Variants in PBXIP1 observed in about 807,000 individuals in gnomAD.
The protein encoded by PBXIP1 is PBX homeobox interacting protein 1, also known as pre-B-cell leukemia transcription factor-interacting protein 1.
In PBXIP1, 73 loss-of-function variants were observed where a neutral mutation model predicts 73.7. That is an observed-to-expected ratio of 0.99 (90% CI 0.82 to 1.20). PBXIP1 has a LOEUF of 1.20. PBXIP1 is among the 50% of genes most tolerant of loss of function. The pLI is 0.00. For missense variants in PBXIP1, 818 were observed against 911.4 expected (o/e 0.90, Z 1.32); for synonymous variants, 330 against 366.9 (o/e 0.90, Z 1.15).
At position 154,946,348 on chromosome 1, in the gene PBXIP1, G is replaced by C. The variant is rs1457671049; in HGVS notation, c.1326C>G (p.Gly442=). The part of the protein sequence containing the change: ...LGHRLAQKLQ[G]LENWGQDPGV... ...CAGGGTCCTGGCCCCAGTTCTCCAG[G>C]CCCTGCAGTTTCTGGGCCAATCTGT... is the stretch of plus-strand genomic sequence containing the variant. Residue 442 remains glycine (G), a synonymous_variant, in exon 10 of 11, where the codon GGC becomes GGG. Transcript: ENST00000368463. 7.4e-6 allele frequency: 12 copies of C among 1,613,694 alleles called. No individual in the cohort carries two copies. Among genetic ancestry groups the C allele is most frequent in the Non-Finnish European group, 1.0e-5 (12 of 1,179,962 alleles).
At chr1:154,947,820 G>C in intron 7 of PBXIP1, 108 bp from the exon 8 acceptor site, 1 of 1,402,984 alleles carries the variant, frequency 7.1e-7, no homozygotes, top group South Asian at 1.2e-5. Flanking sequence ...CCACCCTGTG[G>C]CTGAGCGGTT....
At chr1:154,945,385 A>G (rs1005549604) in intron 10 of PBXIP1, among the ~76,000 whole-genome samples, 187 bp downstream of exon 10, 1 of 152,134 alleles carries the variant, frequency 6.6e-6, no homozygotes, top group African/African-American at 2.4e-5. Context: ...ACTGCTCAGG[A>G]CCACTCTGGG....
chr1:154,946,171 C>A lies in PBXIP1; in HGVS notation c.1503G>T (p.Arg501Ser). ...CCTCCTGACCTCCCCAGTTCTTCTT[C>A]CTTTCCCGGCCAGATTCTTCCTTCT... Reference protein sequence around the residue: ...KHKKEESGRERKKNWGGQEDR... With the variant: ...KHKKEESGRESKKNWGGQEDR... Residue 501 changes from arginine to serine, a missense_variant, in exon 10 of 11, where the codon AGG becomes AGT. Arg to Ser is a moderately radical substitution (Grantham distance 110). Transcript: ENST00000368463. The A allele has an allele frequency of 2.5e-6, 4 of 1,614,166 alleles. No homozygotes were observed. The highest frequency in any genetic ancestry group is 3.4e-6 in the Non-Finnish European group (4 of 1,180,034).
At chr1:154,947,217 G>A in intron 9 of PBXIP1, 200 bp downstream of exon 9, 1 of 637,614 alleles carries the variant, frequency 1.6e-6, no homozygotes, top group Non-Finnish European at 2.9e-6. Flanking sequence ...GTACCATGTG[G>A]AACAGGTATG....
chr1:154,945,274 C>T (rs113214586), intron 10 of PBXIP1, among the ~76,000 whole-genome samples, 157 bp from the exon 11 acceptor site: 2 of 152,132 alleles, frequency 1.3e-5, no homozygotes, highest in Admixed American at 1.3e-4. Flanking sequence ...AGGCTCCAGT[C>T]GGGGAGACAG....
intron 7 of PBXIP1, 39 bp downstream of exon 7, chr1:154,947,943 T>G (rs1475601171): frequency 7.5e-6 from 12 of 1,606,826 alleles, no homozygotes; most frequent in Non-Finnish European, 1.0e-5. Context: ...AGAGAACACA[T>G]ACAACTCCCC....
Position 154,951,510 on chromosome 1 carries a change from A to T in PBXIP1, c.204T>A (p.Pro68=). Residue 68 remains proline, a synonymous_variant, in exon 4 of 11, where the codon CCT becomes CCA. Coordinates refer to ENST00000368463, the MANE Select transcript of PBXIP1 (RefSeq NM_020524.4). This position sits in a 1 kb window ranked among gnomAD's most constrained non-coding sequence, Gnocchi z 4.3. ...GEGTLFQTES[P]QSGSILTEET... ...CCTCTGTTAGAATGCTGCCAGACTG[A>T]GGGCTTTCAGTCTGGAAGAGCGTCC... 1 of 1,614,026 alleles carries T rather than the reference A, an allele frequency of 6.2e-7. No individual in the cohort carries two copies.
chr1:154,945,874 C>T lies in PBXIP1; in HGVS notation c.1800G>A (p.Leu600=), dbSNP rs1271210545. The T allele has an allele frequency of 6.2e-7, 1 of 1,614,186 alleles. No homozygotes were observed. ...GGGCTAGCTCTGTGCCAAAGAAAGT[C>T]AGGCCCTCCTGCCGGGCACACTCGT... ...GVDECARQEG[L]TFFGTELAPV... The change falls in exon 10 of 11, where the codon CTG becomes CTA. Residue 600 remains leucine, a synonymous_variant. Coordinates refer to ENST00000368463, the MANE Select transcript of PBXIP1 (RefSeq NM_020524.4).
chr1:154,945,685 C>T lies in PBXIP1; in HGVS notation c.1989G>A (p.Leu663=), dbSNP rs1273768836. The change falls in exon 10 of 11, where the codon CTG becomes CTA. Residue 663 remains leucine, a synonymous_variant. Transcript: ENST00000368463. ...RLRFRDFVDA[L]EDSLEEVAVQ... ...CAGCCACCTCCTCCAAGCTGTCCTC[C>T]AGGGCATCCACAAAATCCCGGAAGC... 2 of 1,614,222 alleles carry T rather than the reference C, an allele frequency of 1.2e-6. No individual in the cohort carries two copies. Among genetic ancestry groups the T allele is most frequent in the South Asian group, 2.2e-5 (2 of 91,084 alleles).
intron 10 of PBXIP1, 112 bp from the exon 11 acceptor site, chr1:154,945,229 A>G: frequency 1.4e-6 from 1 of 731,370 alleles, no homozygotes; most frequent in Non-Finnish European, 2.3e-6. Flanking sequence ...GGCACCACCA[A>G]GCATATGTGG....
rs1341000430 is a variant in PBXIP1, at chr1:154,945,696, C to A, written c.1978G>T (p.Val660Leu). Residue 660 changes from valine to leucine, a missense_variant, in exon 10 of 11, where the codon GTG (valine) becomes TTG (leucine). Transcript: ENST00000368463. ...RHDRLRFRDF[V>L]DALEDSLEEV... ...TCCAAGCTGTCCTCCAGGGCATCCA[C>A]AAAATCCCGGAAGCGGAGGCGGTCA... The A allele has an allele frequency of 6.2e-7, 1 of 1,614,222 alleles. No individual in the cohort carries two copies. The highest frequency in any genetic ancestry group is 1.1e-5 in the South Asian group (1 of 91,086).
Position 154,951,809 on chromosome 1 carries a change from G to C in PBXIP1, c.164C>G (p.Thr55Ser), listed in dbSNP as rs765965691. 9 of 1,613,940 alleles carry C rather than the reference G, an allele frequency of 5.6e-6. No homozygotes were observed. Among genetic ancestry groups the C allele is most frequent in the Non-Finnish European group, 7.6e-6 (9 of 1,179,946 alleles). Residue 55 changes from threonine (T) to serine (S), a missense_variant, in exon 3 of 11, where the codon ACC (threonine) becomes AGC (serine). Transcript: ENST00000368463. This position sits in a 1 kb window ranked among gnomAD's most constrained non-coding sequence, Gnocchi z 4.3. ...SKTDGKELAG[T>S]MDGEGTLFQT... ...GGGCCCAGTACCTTCTCCATCCATG[G>C]TCCCAGCTAATTCTTTCCCATCTGT...
chr1:154,947,577 G>C (rs1306026397), intron 8 of PBXIP1, 29 bp from the exon 9 acceptor site: 3 of 1,604,610 alleles, frequency 1.9e-6, no homozygotes, highest in Non-Finnish European at 2.6e-6. Flanking sequence ...GTTATGCCAT[G>C]CTACCCCACA....
chr1:154,946,904 C>T, intron 9 of PBXIP1, 101 bp from the exon 10 acceptor site: 1 of 1,209,334 alleles, frequency 8.3e-7, no homozygotes, highest in Non-Finnish European at 1.1e-6. Context: ...GGGCAGGTGG[C>T]CTGAGCCCGT....
intron 9 of PBXIP1, 27 bp from the exon 10 acceptor site, chr1:154,946,830 G>A: frequency 1.3e-6 from 2 of 1,508,912 alleles, no homozygotes; most frequent in South Asian, 1.4e-5. Context: ...GACAAAGGAA[G>A]TCACAAAGAG....
intron 5 of PBXIP1, chr1:154,950,394 C>T (rs1228590480): frequency 6.6e-6 from 1 of 152,250 alleles, no homozygotes; most frequent in African/African-American, 2.4e-5. Context: ...AGTGGGATGA[C>T]CATGGCTCAC....
At chr1:154,946,862 T>C in intron 9 of PBXIP1, 59 bp from the exon 10 acceptor site, 4 of 1,462,442 alleles carry the variant, frequency 2.7e-6, no homozygotes, top group Non-Finnish European at 3.7e-6. Context: ...ATAGCCCCAA[T>C]GCCTTCTACC....
intron 7 of PBXIP1, 108 bp downstream of exon 7, chr1:154,947,874 G>T (rs889250539): frequency 8.7e-6 from 12 of 1,379,178 alleles, no homozygotes; most frequent in Non-Finnish European, 1.2e-5. Flanking sequence ...AGCTGACAAG[G>T]CCACTAACTG....
chr1:154,947,771 C>T, intron 7 of PBXIP1, 59 bp from the exon 8 acceptor site: 1 of 1,547,832 alleles, frequency 6.5e-7, no homozygotes, highest in Non-Finnish European at 8.9e-7. Flanking sequence ...ATTCTCCCCA[C>T]ACCTTCCCAT....
Sources: gnomAD v4.1 joint callset for allele counts (sites outside exome capture counted in the v4.1 genomes callset) on GRCh38, gnomAD v4.1.1 for gene constraint, Gnocchi (gnomAD v3.1) non-coding constraint, MANE v1.5 for transcripts, NCBI Gene and HGNC (gene_info 2026-07-23, HGNC 2026-07-21) for gene names.